The following CDH12 variants were observed in gnomAD, a reference collection of about 807,000 sequenced individuals.
CDH12 encodes cadherin 12.
A neutral mutation model predicts 74.1 loss-of-function variants in CDH12; 41 were observed. The observed-to-expected ratio is 0.55, with a 90% CI of 0.43 to 0.72. The LOEUF is 0.72. Among genes scored for constraint, CDH12 ranks in the 30% least tolerant of loss-of-function variants. CDH12 has a pLI of 0.00. For synonymous variants in CDH12, 399 were observed against 355.0 expected (o/e 1.12, Z -1.39); for missense variants, 945 against 977.2 (o/e 0.97, Z 0.44).
chr5:22,561,502 C>T (rs1265336391), intron 1 of CDH12, among the ~76,000 whole-genome samples: 2 of 151,874 alleles, frequency 1.3e-5, no homozygotes, highest in East Asian at 3.9e-4. Context: ...ACAATAAAAT[C>T]TGTATTTTTT....
intron 3 of CDH12, among the ~76,000 whole-genome samples, chr5:22,256,718 T>C (rs1040900714): frequency 2.6e-5 from 4 of 152,160 alleles, no homozygotes; most frequent in African/African-American, 9.6e-5. Context: ...TTGATAATCT[T>C]GACCCTGTGC....
At chr5:22,534,367 T>G (rs554755902) in intron 1 of CDH12, among the ~76,000 whole-genome samples, 6 of 152,242 alleles carry the variant, frequency 3.9e-5, no homozygotes, top group South Asian at 4.1e-4. Context: ...ACACTTCCCC[T>G]GAGTCCCCAA....
intron 2 of CDH12, among the ~76,000 whole-genome samples, chr5:22,458,739 A>G (rs1358516025): frequency 6.6e-6 from 1 of 152,192 alleles, no homozygotes; most frequent in Non-Finnish European, 1.5e-5. Context: ...ACACTCTATG[A>G]ACTCAAATTA....
In CDH12 at chr5:21,854,788, C is replaced by A; in HGVS notation, c.529G>T (p.Ala177Ser). The change falls in exon 7 of 15, where the codon GCA becomes TCA. Residue 177 changes from alanine (A) to serine (S), a missense_variant and splice_region_variant. Ala to Ser is a moderately conservative substitution (Grantham distance 99, BLOSUM62 1). Coordinates refer to ENST00000382254, the MANE Select transcript of CDH12 (RefSeq NM_004061.5). Reference sequence around the variant, plus strand: ...GTGGCCTTGACCTGGAGTACATATGCACCTGGAAAATAAGACAATATCACT... The same window carrying A: ...GTGGCCTTGACCTGGAGTACATATGAACCTGGAAAATAAGACAATATCACT... ...ATVPEMSPVG[A>S]YVLQVKATDA... 2 of 1,607,678 alleles carry A rather than the reference C, an allele frequency of 1.2e-6. No individual in the cohort carries two copies. Among genetic ancestry groups the A allele is most frequent in the Non-Finnish European group, 1.7e-6 (2 of 1,176,728 alleles).
At chr5:22,510,068 C>T (rs952942889) in intron 1 of CDH12, among the ~76,000 whole-genome samples, 5 of 151,180 alleles carry the variant, frequency 3.3e-5, no homozygotes, top group Middle Eastern at 3.2e-3. Flanking sequence ...CTCAGTGGAG[C>T]GATAAAGAGA....
chr5:22,723,877 G>A (rs576476282), intron 1 of CDH12, among the ~76,000 whole-genome samples: 34 of 151,998 alleles, frequency 2.2e-4, no homozygotes, highest in African/African-American at 7.2e-4. Context: ...GATAGTAATC[G>A]CACACTCAGC....
chr5:22,079,376 A>G (rs1225661421), intron 4 of CDH12, among the ~76,000 whole-genome samples: 2 of 152,160 alleles, frequency 1.3e-5, no homozygotes, highest in South Asian at 2.1e-4. Flanking sequence ...CCCCTAGGGG[A>G]GCAAAAAATG....
intron 3 of CDH12, among the ~76,000 whole-genome samples, chr5:22,349,838 C>A (rs1051790139): frequency 3.3e-5 from 5 of 152,092 alleles, no homozygotes; most frequent in Non-Finnish European, 7.4e-5. Flanking sequence ...GGGTTCAGGC[C>A]ATTCTCCTGC....
chr5:22,402,328 T>A (rs965349507), intron 3 of CDH12, among the ~76,000 whole-genome samples: 3 of 152,190 alleles, frequency 2.0e-5, no homozygotes, highest in Non-Finnish European at 1.5e-5. Flanking sequence ...CTTTTTTGAA[T>A]AGATGTCAGT....
chr5:22,006,743 G>A (rs975283178), intron 5 of CDH12, among the ~76,000 whole-genome samples: 1 of 152,130 alleles, frequency 6.6e-6, no homozygotes, highest in African/African-American at 2.4e-5. Context: ...GTCCTCATCT[G>A]TATAATCTGA....
chr5:22,828,960 G>T (rs1224626823), intron 1 of CDH12, among the ~76,000 whole-genome samples: 1 of 151,774 alleles, frequency 6.6e-6, no homozygotes, highest in Non-Finnish European at 1.5e-5. Flanking sequence ...TATTTTCCTG[G>T]GCTCAAATAA....
chr5:22,384,525 C>A (rs1450864640), intron 3 of CDH12, among the ~76,000 whole-genome samples: 194 of 68,668 alleles, frequency 2.8e-3, no homozygotes, highest in South Asian at 3.9e-3. Context: ...AACTCCGTCT[C>A]AAAAAAAAAA....
chr5:22,291,049 C>T (rs144545699), intron 3 of CDH12, among the ~76,000 whole-genome samples: 42 of 152,052 alleles, frequency 2.8e-4, no homozygotes, highest in Non-Finnish European at 3.8e-4. Flanking sequence ...TCCAGGGATG[C>T]GAGGATGATT....
At chr5:21,756,073 A>G (rs1744379358) in intron 13 of CDH12, among the ~76,000 whole-genome samples, 1 of 152,226 alleles carries the variant, frequency 6.6e-6, no homozygotes, top group African/African-American at 2.4e-5. Flanking sequence ...CTATTCAGAA[A>G]GATTATGGAA....
At chr5:22,159,886 G>C (rs775167420) in intron 4 of CDH12, among the ~76,000 whole-genome samples, 11 of 152,136 alleles carry the variant, frequency 7.2e-5, no homozygotes, top group Non-Finnish European at 1.6e-4. Flanking sequence ...CTAGGACATA[G>C]TCAAGACAGT....
At chr5:22,174,596 T>G (rs1248781544) in intron 4 of CDH12, among the ~76,000 whole-genome samples, 2 of 151,984 alleles carry the variant, frequency 1.3e-5, no homozygotes, top group African/African-American at 4.8e-5. Flanking sequence ...GAATGATTAA[T>G]ATAGACCGAC....
rs139737482 is a variant in CDH12, at chr5:22,632,696, T to C, written c.-522-127332A>G. 3.6e-3 allele frequency among the ~76,000 whole-genome samples: 551 copies of C among 152,138 alleles called. 1 individual carries two copies. The highest frequency in any genetic ancestry group is 0.01 in the African/African-American group (424 of 41,524). On this transcript the variant is annotated intron_variant, in intron 1 of 14. Coordinates refer to ENST00000382254, the MANE Select transcript of CDH12 (RefSeq NM_004061.5). ...ATTTGTAGGGCACCATCAACTGTAC[T>C]AACAAACGCATAATAGGAATCTCAG...
At chr5:22,503,603 C>T (rs568367971) in intron 2 of CDH12, among the ~76,000 whole-genome samples, 1 of 152,178 alleles carries the variant, frequency 6.6e-6, no homozygotes, top group South Asian at 2.1e-4. Flanking sequence ...AATATGAATT[C>T]CACTCTAATT....
intron 2 of CDH12, among the ~76,000 whole-genome samples, chr5:22,467,491 C>T (rs941270487): frequency 2.0e-5 from 3 of 152,150 alleles, no homozygotes; most frequent in Admixed American, 2.0e-4. Flanking sequence ...CATTCATTTT[C>T]AGTCACCTCT....
Sources: gnomAD v4.1 joint callset for allele counts (sites outside exome capture counted in the v4.1 genomes callset) on GRCh38, gnomAD v4.1.1 for gene constraint, MANE v1.5 for transcripts, NCBI Gene and HGNC (gene_info 2026-07-23, HGNC 2026-07-21) for gene names.